The following CNBD1 variants were observed in gnomAD, a reference collection of about 807,000 sequenced individuals.
The protein encoded by CNBD1 is cyclic nucleotide-binding domain-containing protein 1.
A neutral mutation model predicts 54.4 loss-of-function variants in CNBD1; 71 were observed. That is an observed-to-expected ratio of 1.30 (90% CI 1.08 to 1.59). CNBD1 has a LOEUF of 1.59. Among genes scored for constraint, CNBD1 ranks in the 40% most tolerant of loss-of-function variants. The probability of loss-of-function intolerance (pLI) is 0.00; values close to 1 mark genes in which losing one functional copy is unlikely to be tolerated. For missense variants in CNBD1, 659 were observed against 518.0 expected (o/e 1.27, Z -2.64); for synonymous variants, 182 against 170.7 (o/e 1.07, Z -0.51).
chr8:86,894,312 C>T (rs577593431), intron 2 of CNBD1, among the ~76,000 whole-genome samples: 2 of 151,746 alleles, frequency 1.3e-5, no homozygotes, highest in Non-Finnish European at 2.9e-5. Context: ...CCACCCGCCT[C>T]GGCCTCCCGA....
chr8:87,012,615 T>C (rs566071498), intron 4 of CNBD1, among the ~76,000 whole-genome samples: 2 of 152,188 alleles, frequency 1.3e-5, no homozygotes, highest in South Asian at 4.1e-4. Context: ...TTAAGTCCTA[T>C]AAAAAACAAT....
At chr8:86,898,704 A>G (rs1241745715) in intron 2 of CNBD1, among the ~76,000 whole-genome samples, 1 of 152,200 alleles carries the variant, frequency 6.6e-6, no homozygotes, top group Non-Finnish European at 1.5e-5. Flanking sequence ...TTAAAATGCA[A>G]AAGTATAAAA....
At chr8:86,903,559 A>G (rs1319662986) in intron 2 of CNBD1, among the ~76,000 whole-genome samples, 1 of 152,080 alleles carries the variant, frequency 6.6e-6, no homozygotes, top group East Asian at 1.9e-4. Context: ...GTTTTATTAA[A>G]TGGGGGACAG....
intron 8 of CNBD1, among the ~76,000 whole-genome samples, chr8:87,297,095 G>A (rs1481065236): frequency 4.1e-5 from 6 of 147,874 alleles, no homozygotes. Flanking sequence ...GGAGAATGGC[G>A]TGAACCAGAG....
chr8:86,905,414 T>C (rs915662768), intron 3 of CNBD1, among the ~76,000 whole-genome samples: 2 of 152,202 alleles, frequency 1.3e-5, no homozygotes, highest in African/African-American at 4.8e-5. Flanking sequence ...TCATATTTAT[T>C]TAAACTTTTT....
chr8:86,891,920 T>A (rs2131793838), intron 2 of CNBD1, among the ~76,000 whole-genome samples: 1 of 152,194 alleles, frequency 6.6e-6, no homozygotes, highest in East Asian at 1.9e-4. Context: ...TTGTATATCC[T>A]GCAACTTTAC....
At chr8:86,991,047 C>T (rs116592692) in intron 4 of CNBD1, among the ~76,000 whole-genome samples, 2,987 of 152,216 alleles carry the variant, frequency 0.02, 95 homozygotes, top group African/African-American at 0.06. Context: ...TGAAACTTTA[C>T]TGAATTTATC....
At chr8:87,293,892 T>G (rs567124158) in intron 8 of CNBD1, among the ~76,000 whole-genome samples, 399 of 152,340 alleles carry the variant, frequency 2.6e-3, no homozygotes, top group African/African-American at 8.9e-3. Flanking sequence ...TTTAGAATAG[T>G]TGATCAAACA....
intron 8 of CNBD1, among the ~76,000 whole-genome samples, chr8:87,310,127 A>G (rs2336994): frequency 0.99 from 150,481 of 152,262 alleles, 74,369 homozygotes; most frequent in East Asian, 1. Context: ...GGCCAAAGTG[A>G]GAGGATCACT....
chr8:86,928,627 C>T (rs538592708), intron 3 of CNBD1, among the ~76,000 whole-genome samples: 32 of 152,302 alleles, frequency 2.1e-4, no homozygotes, highest in African/African-American at 1.9e-4. Flanking sequence ...AAGGTATCAA[C>T]GCAGACCAAC....
At chr8:86,927,230 C>T (rs12541240) in intron 3 of CNBD1, among the ~76,000 whole-genome samples, 45,194 of 151,832 alleles carry the variant, frequency 0.3, 6,947 homozygotes, top group East Asian at 0.38. Context: ...TTCTATTTTC[C>T]CATTGGAGAA....
At position 87,410,442 on chromosome 8, in the gene CNBD1, T is replaced by A. The variant is rs373494390; in HGVS notation, c.214-18104T>A. Reference sequence around the variant, plus strand: ...ATGGGAGGAGGCTGATATGTCAACATTAACAGGAGTAACTAAATTGCTGCA... The same window carrying A: ...ATGGGAGGAGGCTGATATGTCAACAATAACAGGAGTAACTAAATTGCTGCA... On this transcript the variant is annotated intron_variant, in intron 2 of 7. Coordinates refer to the CNBD1 transcript ENST00000521593. Among the ~76,000 whole-genome samples the A allele has an allele frequency of 2.6e-5, 4 of 152,258 alleles. No individual in the cohort carries two copies. In the East Asian group the frequency reaches 7.8e-4, roughly 30 times the overall value.
At chr8:87,397,469 A>G (rs560476530) in intron 2 of CNBD1, among the ~76,000 whole-genome samples, 2 of 152,062 alleles carry the variant, frequency 1.3e-5, no homozygotes, top group South Asian at 4.1e-4. Flanking sequence ...AATGTTGATG[A>G]AATATAACTT....
At chr8:87,333,931 C>T (rs531562569) in intron 8 of CNBD1, among the ~76,000 whole-genome samples, 3 of 152,120 alleles carry the variant, frequency 2.0e-5, no homozygotes, top group Non-Finnish European at 4.4e-5. Flanking sequence ...TGAAATAGTT[C>T]CTGAAAGAAT....
intron 8 of CNBD1, among the ~76,000 whole-genome samples, chr8:87,312,295 G>A (rs897764751): frequency 1.3e-5 from 2 of 151,952 alleles, no homozygotes; most frequent in Non-Finnish European, 2.9e-5. Flanking sequence ...TTAACCTTTT[G>A]TAACAATTGT....
Position 87,330,412 on chromosome 8 carries a change from T to A in CNBD1, c.1043-21273T>A, listed in dbSNP as rs1166910744. Among the ~76,000 whole-genome samples, 3 of 152,172 alleles carry A rather than the reference T, an allele frequency of 2.0e-5. No individual in the cohort carries two copies. In the East Asian group the frequency reaches 5.8e-4, roughly 29 times the overall value. ...TTTACTTGGATTAATTTCTTCTTCC[T>A]TTCTTGATTTCTTAATGTGATTCCC... On this transcript the variant is annotated intron_variant, in intron 8 of 10. Transcript: ENST00000518476.
intron 10 of CNBD1, among the ~76,000 whole-genome samples, chr8:87,372,668 A>G (rs890887657): frequency 2.0e-5 from 3 of 151,890 alleles, no homozygotes; most frequent in Non-Finnish European, 4.4e-5. Context: ...GTCCACAAAT[A>G]AGTGGCCTCT....
intron 4 of CNBD1, among the ~76,000 whole-genome samples, chr8:87,159,371 C>G (rs548882456): frequency 2.3e-4 from 35 of 152,054 alleles, no homozygotes; most frequent in Non-Finnish European, 4.0e-4. Flanking sequence ...GGGGCTGATT[C>G]AGATATTCTT....
intron 1 of CNBD1, among the ~76,000 whole-genome samples, chr8:86,884,670 C>T (rs531291490): frequency 6.6e-6 from 1 of 152,158 alleles, no homozygotes; most frequent in Non-Finnish European, 1.5e-5. Context: ...TTCTCCCATC[C>T]AGCTTCTTGT....
Sources: gnomAD v4.1 joint callset for allele counts (sites outside exome capture counted in the v4.1 genomes callset) on GRCh38, gnomAD v4.1.1 for gene constraint, MANE v1.5 for transcripts, NCBI Gene and HGNC (gene_info 2026-07-23, HGNC 2026-07-21) for gene names.